ADGRL3: variants seen among roughly 807,000 people sequenced by gnomAD.
The protein encoded by ADGRL3 is calcium-independent alpha-latrotoxin receptor 3.
A neutral mutation model predicts 153.5 loss-of-function variants in ADGRL3; 62 were observed. That is an observed-to-expected ratio of 0.40 (90% CI 0.33 to 0.50). ADGRL3 has a LOEUF of 0.50. Among genes scored for constraint, ADGRL3 ranks in the 20% least tolerant of loss-of-function variants. ADGRL3 has a pLI of 0.47. For missense variants in ADGRL3, 1,641 were observed against 1,859.4 expected, an observed-to-expected ratio of 0.88 and a Z score of 2.16; for synonymous variants, 710 against 672.5, an observed-to-expected ratio of 1.06 and a Z score of -0.86.
intron 2 of ADGRL3, among the ~76,000 whole-genome samples, chr4:61,475,546 C>G (rs1016288514): frequency 6.6e-6 from 1 of 152,118 alleles, no homozygotes; most frequent in East Asian, 1.9e-4. Context: ...TTAGCAAAGC[C>G]ACTCTGATTT....
intron 4 of ADGRL3, among the ~76,000 whole-genome samples, chr4:61,522,567 T>C (rs1349756311): frequency 1.3e-5 from 2 of 152,064 alleles, no homozygotes; most frequent in African/African-American, 2.4e-5. Context: ...AGGAAAAGGG[T>C]GGCAAAACCT....
chr4:61,637,940 A>G (rs1360688857), intron 5 of ADGRL3, among the ~76,000 whole-genome samples: 1 of 152,228 alleles, frequency 6.6e-6, no homozygotes, highest in African/African-American at 2.4e-5. Flanking sequence ...TGCATTGAAT[A>G]TAAACATCCC....
chr4:61,468,517 T>A (rs2097910610), intron 2 of ADGRL3, among the ~76,000 whole-genome samples: 1 of 152,162 alleles, frequency 6.6e-6, no homozygotes, highest in Admixed American at 6.6e-5. Context: ...AGAGTTTAGA[T>A]AAGATTTCAC....
chr4:61,743,543 A>G (rs763352686), intron 8 of ADGRL3, among the ~76,000 whole-genome samples: 2 of 152,196 alleles, frequency 1.3e-5, no homozygotes, highest in Non-Finnish European at 2.9e-5. Flanking sequence ...TTAAATGATG[A>G]AATAGATTAT....
intron 8 of ADGRL3, among the ~76,000 whole-genome samples, chr4:61,785,130 G>T (rs938494232): frequency 1.3e-5 from 2 of 152,062 alleles, no homozygotes; most frequent in African/African-American, 2.4e-5. Flanking sequence ...AATAAAGGGG[G>T]TTAGGAGGGA....
At chr4:61,288,804 A>T (rs2094048283) in intron 1 of ADGRL3, among the ~76,000 whole-genome samples, 1 of 151,898 alleles carries the variant, frequency 6.6e-6, no homozygotes, top group Non-Finnish European at 1.5e-5. Context: ...TTGCATTGAG[A>T]TCCATTTCTC....
At position 61,800,151 on chromosome 4, in the gene ADGRL3, G is replaced by A. The variant is rs1429536003; in HGVS notation, c.1400-13658G>A. ...ACTTGGCTCAGCCTTGTAAGGGCTA[G>A]CAAAAAGAAACCTTCTTAACCATCT... On this transcript the variant is annotated intron_variant, in intron 8 of 26. Coordinates refer to ENST00000683033, the MANE Select transcript of ADGRL3 (RefSeq NM_001387552.1). Among the ~76,000 whole-genome samples, 4 of 152,132 alleles carry A rather than the reference G, an allele frequency of 2.6e-5. No individual in the cohort carries two copies. The East Asian group carries it at 7.7e-4, about 29-fold the overall frequency.
At chr4:61,463,941 A>G (rs913244458) in intron 2 of ADGRL3, among the ~76,000 whole-genome samples, 2 of 152,190 alleles carry the variant, frequency 1.3e-5, no homozygotes, top group African/African-American at 4.8e-5. Context: ...TTGGTTCAGT[A>G]GGGTTCAGAT....
At chr4:61,660,434 A>G (rs925699769) in intron 5 of ADGRL3, among the ~76,000 whole-genome samples, 5 of 152,098 alleles carry the variant, frequency 3.3e-5, no homozygotes, top group Non-Finnish European at 4.4e-5. Context: ...TTCTCTGGCT[A>G]TACCCACATG....
At chr4:61,729,351 C>T (rs35711461) in intron 6 of ADGRL3, among the ~76,000 whole-genome samples, 66,448 of 151,608 alleles carry the variant, frequency 0.44, 14,800 homozygotes, top group Admixed American at 0.54. Context: ...TATCACCACT[C>T]AATATCACTT....
At chr4:61,458,237 T>C (rs1202984774) in intron 2 of ADGRL3, among the ~76,000 whole-genome samples, 1 of 151,536 alleles carries the variant, frequency 6.6e-6, no homozygotes, top group Non-Finnish European at 1.5e-5. Flanking sequence ...TAAATATTAT[T>C]ATTTAACTTT....
chr4:62,029,542 A>G (rs1466411331), intron 22 of ADGRL3, among the ~76,000 whole-genome samples: 4 of 151,664 alleles, frequency 2.6e-5, no homozygotes, highest in Non-Finnish European at 4.4e-5. Context: ...TTTCGGATGC[A>G]TACTTTAAAA....
intron 25 of ADGRL3, among the ~76,000 whole-genome samples, chr4:62,066,466 T>A (rs1409026800): frequency 6.6e-6 from 1 of 152,106 alleles, no homozygotes; most frequent in Non-Finnish European, 1.5e-5. Flanking sequence ...ATGAATAATA[T>A]ACTTTTATTA....
At chr4:61,644,230 C>A (rs1372426728) in intron 5 of ADGRL3, among the ~76,000 whole-genome samples, 2 of 147,494 alleles carry the variant, frequency 1.4e-5, no homozygotes, top group Non-Finnish European at 3.0e-5. Flanking sequence ...TTGAACCTTT[C>A]AAAAAACCAG....
intron 22 of ADGRL3, 59 bp from the exon 23 acceptor site, chr4:62,031,383 A>C: frequency 7.2e-7 from 1 of 1,387,482 alleles, no homozygotes; most frequent in Non-Finnish European, 9.9e-7. Flanking sequence ...TTGATCTGAT[A>C]TGGTTGTTAA....
chr4:61,954,608 C>G (rs1183870807), intron 17 of ADGRL3, among the ~76,000 whole-genome samples: 5 of 152,126 alleles, frequency 3.3e-5, no homozygotes, highest in Middle Eastern at 3.4e-3. Context: ...TCGACATCCT[C>G]TCCTACCACT....
At chr4:61,695,315 G>T (rs2095620581) in intron 6 of ADGRL3, among the ~76,000 whole-genome samples, 1 of 152,304 alleles carries the variant, frequency 6.6e-6, no homozygotes, top group South Asian at 2.1e-4. Context: ...GCTACAGAAT[G>T]AATATTGTGT....
intron 1 of ADGRL3, among the ~76,000 whole-genome samples, chr4:61,320,885 G>A (rs1355696524): frequency 1.3e-5 from 2 of 152,142 alleles, no homozygotes; most frequent in Non-Finnish European, 2.9e-5. Context: ...TTTCAGGGCA[G>A]AGTTTTTTTC....
intron 4 of ADGRL3, among the ~76,000 whole-genome samples, chr4:61,578,380 G>A (rs1047508904): frequency 2.2e-4 from 33 of 152,054 alleles, no homozygotes; most frequent in Admixed American, 6.6e-4. Context: ...AAATTTTAGC[G>A]ATTACCATTG....
Sources: gnomAD v4.1 joint callset for allele counts (sites outside exome capture counted in the v4.1 genomes callset) on GRCh38, gnomAD v4.1.1 for gene constraint, MANE v1.5 for transcripts, NCBI Gene and HGNC (gene_info 2026-07-23, HGNC 2026-07-21) for gene names.